Variants in SEC16A observed in about 807,000 individuals in gnomAD.
SEC16A encodes protein transport protein Sec16A.
SEC16A carries 110 observed loss-of-function variants against 221.9 expected under a neutral mutation model. That is an observed-to-expected ratio of 0.50 (90% confidence interval 0.42 to 0.58). The LOEUF (loss-of-function observed/expected upper bound fraction) is 0.58. Ranked by LOEUF, SEC16A falls within the 20% of genes least tolerant of loss-of-function variation. The probability of loss-of-function intolerance (pLI) is 0.00; values close to 1 mark genes in which losing one functional copy is unlikely to be tolerated. For missense variants in SEC16A, 3,165 were observed against 3,097.8 expected, an observed-to-expected ratio of 1.02 and a Z score of -0.52; for synonymous variants, 1,393 against 1,257.7, an observed-to-expected ratio of 1.11 and a Z score of -2.28.
upstream of SEC16A, chr9:136,483,704 A>G (rs1323064720): frequency 1.0e-6 from 1 of 985,376 alleles, no homozygotes; most frequent in Admixed American, 6.1e-5. Context: ...CGCACCGAGA[A>G]CGGCTACTCC....
intron 9 of SEC16A, among the ~76,000 whole-genome samples, chr9:136,464,062 C>T (rs907331578): frequency 1.3e-5 from 2 of 152,188 alleles, no homozygotes; most frequent in Admixed American, 6.5e-5. Context: ...ACCTCGGCAG[C>T]GCCGTGCACG....
intron 29 of SEC16A, 61 bp downstream of exon 29, chr9:136,445,584 T>C: frequency 7.7e-7 from 1 of 1,295,732 alleles, no homozygotes; most frequent in Non-Finnish European, 1.1e-6. Flanking sequence ...AAGAGGCGCC[T>C]GGACAGTGAG....
At chr9:136,463,859 C>T in intron 9 of SEC16A, 119 bp from the exon 10 acceptor site, 2 of 1,015,564 alleles carry the variant, frequency 2.0e-6, no homozygotes, top group South Asian at 1.3e-5. Context: ...CCCACCTGCC[C>T]CGCCCCACAG....
rs775041010 is a variant in SEC16A, at chr9:136,477,237, C to G, written c.379G>C (p.Ala127Pro). Residue 127 changes from alanine (A) to proline (P), a missense_variant, in exon 3 of 32, where the codon GCA (alanine) becomes CCA (proline). This residue lies in a region of SEC16A where 2,030 missense variants were observed against 1,923.1 expected (regional missense o/e 1.06). Transcript: ENST00000684901. Reference sequence around the variant, plus strand: ...CCAGGAGGTGCTGAAGGTGTCAATGCACCAGAAAACGGACTGGCATGTGCT... The same window carrying G: ...CCAGGAGGTGCTGAAGGTGTCAATGGACCAGAAAACGGACTGGCATGTGCT... The part of the protein sequence containing the change: ...PRAHASPFSG[A>P]LTPSAPPGPE... The G allele has an allele frequency of 6.2e-7, 1 of 1,613,942 alleles. No individual in the cohort carries two copies. Among genetic ancestry groups the G allele is most frequent in the East Asian group, 2.2e-5 (1 of 44,892 alleles).
chr9:136,474,191 T>C lies in SEC16A; in HGVS notation c.3425A>G (p.Gln1142Arg), dbSNP rs1315233280. The change falls in exon 3 of 32, where the codon CAG becomes CGG. Residue 1142 changes from glutamine to arginine, a missense_variant. Gln to Arg is a conservative substitution (Grantham distance 43). Transcript: ENST00000684901. Reference protein sequence around the residue: ...AAVPSEQPWPQPVPALAPGPP... With the variant: ...AAVPSEQPWPRPVPALAPGPP... ...GCCGGGGGCAAGTGCAGGCACTGGCTGTGGCCACGGCTGCTCTGACGGCAC... is the reference window on the plus strand; with the variant it reads ...GCCGGGGGCAAGTGCAGGCACTGGCCGTGGCCACGGCTGCTCTGACGGCAC... The C allele has an allele frequency of 1.9e-6, 3 of 1,612,402 alleles. No individual in the cohort carries two copies. The highest frequency in any genetic ancestry group is 8.5e-7 in the Non-Finnish European group (1 of 1,179,674).
intron 31 of SEC16A, among the ~76,000 whole-genome samples, 166 bp from the exon 32 acceptor site, chr9:136,441,989 G>A (rs976614626): frequency 3.9e-5 from 6 of 152,264 alleles, no homozygotes; most frequent in South Asian, 4.1e-4. Context: ...AAACCGACAA[G>A]TCAGTGCCAA....
Position 136,463,748 on chromosome 9 carries a change from G to A in SEC16A, c.4447-8C>T. 8.1e-6 allele frequency: 13 copies of A among 1,611,472 alleles called. No homozygotes were observed. The highest frequency in any genetic ancestry group is 1.1e-5 in the Non-Finnish European group (13 of 1,179,716). Reference sequence around the variant, plus strand: ...CGTGTGCTGCAGCAAGGCCTACGAGGAGAGGGCCGTGGGTCAGTGGCAGCC... The same window carrying A: ...CGTGTGCTGCAGCAAGGCCTACGAGAAGAGGGCCGTGGGTCAGTGGCAGCC... On this transcript the variant is annotated splice_region_variant and splice_polypyrimidine_tract_variant and intron_variant, in intron 9 of 31. Coordinates refer to ENST00000684901, the MANE Select transcript of SEC16A (RefSeq NM_014866.2).
At chr9:136,443,388 C>G (rs1183307032) in intron 31 of SEC16A, among the ~76,000 whole-genome samples, 2 of 152,204 alleles carry the variant, frequency 1.3e-5, no homozygotes, top group Admixed American at 6.5e-5. Flanking sequence ...GTGCAACTTT[C>G]ATTCAGAAAA....
chr9:136,484,488 C>T, upstream of SEC16A: 1 of 1,221,338 alleles, frequency 8.2e-7, no homozygotes, highest in Non-Finnish European at 1.1e-6. Flanking sequence ...CTGGCAAGGG[C>T]AGGGAAGAGC....
At position 136,447,516 on chromosome 9, in the gene SEC16A, T is replaced by C; in HGVS notation, c.6559+53A>G. ...CACAACAGCTACACATTGGCCTCTC[T>C]CTCTGGGACAGTTAATCGTTCAAGC... On this transcript the variant is annotated intron_variant, in intron 26 of 31. Transcript: ENST00000684901. This position sits in a 1 kb window ranked among gnomAD's most constrained non-coding sequence, Gnocchi z 5.5. The C allele has an allele frequency of 1.9e-6, 3 of 1,554,304 alleles. No individual in the cohort carries two copies. Among genetic ancestry groups the C allele is most frequent in the Middle Eastern group, 1.7e-4 (1 of 5,946 alleles).
At chr9:136,448,201 T>A in intron 23 of SEC16A, 40 bp from the exon 24 acceptor site, 1 of 1,559,290 alleles carries the variant, frequency 6.4e-7, no homozygotes, top group South Asian at 1.1e-5. Flanking sequence ...GAAAACATTA[T>A]GTTCCATGAA....
intron 3 of SEC16A, among the ~76,000 whole-genome samples, chr9:136,472,599 A>G (rs1841024119): frequency 6.6e-6 from 1 of 152,224 alleles, no homozygotes; most frequent in African/African-American, 2.4e-5. Flanking sequence ...AGCCCCAGCC[A>G]GGAGCAGCCT....
intron 5 of SEC16A, among the ~76,000 whole-genome samples, chr9:136,468,192 A>G (rs1840394628): frequency 6.6e-6 from 1 of 152,274 alleles, no homozygotes; most frequent in African/African-American, 2.4e-5. Flanking sequence ...ACTCATGCTA[A>G]GATTAAGATG....
At chr9:136,451,116 G>A (rs1386791263) in intron 23 of SEC16A, 140 bp downstream of exon 23, 19 of 836,344 alleles carry the variant, frequency 2.3e-5, no homozygotes, top group African/African-American at 5.1e-5. Flanking sequence ...CCATCATGCC[G>A]TGTGCACTGT....
intron 23 of SEC16A, among the ~76,000 whole-genome samples, chr9:136,449,517 G>C (rs935795411): frequency 6.6e-6 from 1 of 152,220 alleles, no homozygotes; most frequent in Non-Finnish European, 1.5e-5. Context: ...CAGAGTGCTG[G>C]GGTGACAGGC....
intron 1 of SEC16A, 133 bp downstream of exon 1, chr9:136,482,805 T>C: frequency 5.0e-6 from 1 of 200,454 alleles, no homozygotes; most frequent in South Asian, 1.7e-4. Context: ...GGACCCGAGA[T>C]GCACCGCCCG....
rs551559359 is a variant in SEC16A at position 136,457,504 on chromosome 9, C to T, written c.5490G>A (p.Ala1830=). Residue 1830 remains alanine (A), a synonymous_variant, in exon 18 of 32, where the codon GCG becomes GCA. Transcript: ENST00000684901. The part of the protein sequence containing the change: ...TQAFHYCEAI[A]KSILTQPHLY... ...GGTGCGGCTGCGTCAGGATGCTCTT[C>T]GCGATGGCCTCACAGTAGTGGAAGG... 8.1e-6 allele frequency: 13 copies of T among 1,609,550 alleles called. No homozygotes were observed. Among genetic ancestry groups the T allele is most frequent in the Middle Eastern group, 1.7e-4 (1 of 6,060 alleles).
At chr9:136,483,568 G>T (rs1333822603), upstream of SEC16A, 3 of 984,926 alleles carry the variant, frequency 3.0e-6, no homozygotes, top group African/African-American at 1.8e-5. Context: ...GTCCCAGTAC[G>T]TCGCCCTGTT....
At position 136,459,322 on chromosome 9, in the gene SEC16A, T is replaced by C. The variant is rs1208263735; in HGVS notation, c.5304-83A>G. 2.8e-6 allele frequency: 4 copies of C among 1,444,556 alleles called. No individual in the cohort carries two copies. Among genetic ancestry groups the C allele is most frequent in the African/African-American group, 1.4e-5 (1 of 71,430 alleles). The allele number at this position is 1,444,556 out of a possible 1,614,324, so 89.5% of individuals were successfully genotyped here. ...AACCTTGGAGCAAATCATCCAGAAG[T>C]GTGTCCCACCACGTGACAAATAAAG... is the stretch of plus-strand genomic sequence containing the variant. On this transcript the variant is annotated intron_variant, in intron 16 of 31. Transcript: ENST00000684901. The surrounding 1 kb of genome is among the most constrained non-coding windows in gnomAD (Gnocchi z 6.1).
Sources: allele counts gnomAD v4.1 joint callset (sites outside exome capture counted in the v4.1 genomes callset), GRCh38; gene constraint gnomAD v4.1.1; regional missense constraint gnomAD v4.1.1; non-coding constraint Gnocchi (gnomAD v3.1); transcripts MANE v1.5; gene names NCBI Gene and HGNC (gene_info 2026-07-23, HGNC 2026-07-21).